Variants in HDAC11 observed in about 807,000 individuals in gnomAD.
HDAC11 encodes the protein histone deacetylase 11.
Under a neutral mutation model 41.1 loss-of-function variants are expected in HDAC11, and 23 were observed. The ratio of observed to expected loss-of-function variants is 0.56; its 90% CI spans 0.40 to 0.79. The LOEUF (loss-of-function observed/expected upper bound fraction) is 0.79, where lower values mean the gene tolerates loss of function less well. HDAC11 is among the 30% of genes least tolerant of loss of function. HDAC11 has a pLI of 0.00. For synonymous variants in HDAC11, 187 were observed against 186.6 expected (o/e 1.00, Z -0.02); for missense variants, 402 against 477.3 (o/e 0.84, Z 1.47).
chr3:13,490,742 TTC>T (rs377145100), intron 3 of HDAC11, among the ~76,000 whole-genome samples: 92 of 134,842 alleles, frequency 6.8e-4, no homozygotes, highest in South Asian at 4.3e-3. Flanking sequence ...TAGCATTTTT[TTC>T]TTTTTTTTTT....
chr3:13,498,393 G>A, intron 4 of HDAC11, 120 bp from the exon 5 acceptor site: 2 of 1,270,902 alleles, frequency 1.6e-6, no homozygotes, highest in Non-Finnish European at 2.3e-6. Context: ...TTGTAGCTCA[G>A]CTCATCCTTC....
chr3:13,493,980 G>T (rs560936833), intron 3 of HDAC11, among the ~76,000 whole-genome samples: 1 of 152,196 alleles, frequency 6.6e-6, no homozygotes, highest in South Asian at 2.1e-4. Context: ...TCTGACATCT[G>T]GGGGGAGCAA....
At chr3:13,481,460 C>T (rs1054055433) in intron 2 of HDAC11, 66 bp downstream of exon 2, 2 of 1,568,570 alleles carry the variant, frequency 1.3e-6, no homozygotes, top group Non-Finnish European at 1.7e-6. Context: ...CCGTCCTCAT[C>T]CCCAACATAA....
intron 5 of HDAC11, among the ~76,000 whole-genome samples, chr3:13,500,354 G>A (rs554282051): frequency 6.6e-6 from 1 of 152,308 alleles, no homozygotes; most frequent in East Asian, 1.9e-4. Flanking sequence ...GCCACTGGCA[G>A]AATCCGTGTG....
rs59531656 is a variant in HDAC11, at chr3:13,490,744, C to CTT, written c.253-5967_253-5966dup. Among the ~76,000 whole-genome samples the CTT allele has an allele frequency of 3.2e-3, 133 of 41,450 alleles. 13 individuals carry two copies. Among genetic ancestry groups the CTT allele is most frequent in the South Asian group, 4.8e-3 (4 of 826 alleles). 27.2% of individuals were successfully genotyped at this position (41,450 alleles called of 152,430 possible). A position where few individuals can be genotyped will look rare whatever the true frequency, so the allele number is the denominator to read the frequency against. On this transcript the variant is annotated intron_variant, in intron 3 of 9. Coordinates refer to ENST00000295757, the MANE Select transcript of HDAC11 (RefSeq NM_024827.4). ...TGAATTTGTTTCTTAGCATTTTTTT[C>CTT]TTTTTTTTTTTTTTTTTTTTTTTTT... is the stretch of plus-strand genomic sequence containing the variant.
In HDAC11 at chr3:13,490,843, C is replaced by G. The variant is rs1701826807; in HGVS notation, c.253-5893C>G. Among the ~76,000 whole-genome samples, 2 of 147,048 alleles carry G rather than the reference C, an allele frequency of 1.4e-5. 1 individual carries two copies. Among genetic ancestry groups the G allele is most frequent in the Admixed American group, 1.4e-4 (2 of 14,450 alleles). On this transcript the variant is annotated intron_variant, in intron 3 of 9. Transcript: ENST00000295757. ...TCGGCTCACTGCAACCTCCGCCTCC[C>G]AGGTTCAAGCGATTTTTCTGCCTCA...
intron 3 of HDAC11, among the ~76,000 whole-genome samples, chr3:13,489,075 C>G (rs568672541): frequency 6.6e-6 from 1 of 152,106 alleles, no homozygotes; most frequent in Non-Finnish European, 1.5e-5. Context: ...AATGTTTATT[C>G]AAGTCCTTTG....
At chr3:13,489,475 C>A (rs1412597629) in intron 3 of HDAC11, among the ~76,000 whole-genome samples, 1 of 152,204 alleles carries the variant, frequency 6.6e-6, no homozygotes, top group Non-Finnish European at 1.5e-5. Context: ...GGCTGTTTTT[C>A]CCCTGTTGAA....
chr3:13,492,524 CA>C (rs770392312), intron 3 of HDAC11, among the ~76,000 whole-genome samples: 13 of 152,108 alleles, frequency 8.5e-5, no homozygotes, highest in Non-Finnish European at 1.8e-4. Flanking sequence ...GTGTGGGCTC[CA>C]GGGGGCCCCA....
chr3:13,491,540 G>A (rs1402717200), intron 3 of HDAC11, among the ~76,000 whole-genome samples: 1 of 152,106 alleles, frequency 6.6e-6, no homozygotes, highest in East Asian at 1.9e-4. Context: ...GGGCGCCCTA[G>A]AGGGGTTACA....
chr3:13,502,064 T>C lies in HDAC11; in HGVS notation c.552+131T>C, dbSNP rs907503760. 6.9e-6 allele frequency: 5 copies of C among 727,400 alleles called. No individual in the cohort carries two copies. The highest frequency in any genetic ancestry group is 1.2e-5 in the Non-Finnish European group (5 of 426,482). The allele number at this position is 727,400 out of a possible 1,614,324, so 45.1% of individuals were successfully genotyped here. A position where few individuals can be genotyped will look rare whatever the true frequency, so the allele number is the denominator to read the frequency against. ...GGCTTCTGTCTTCTGTCTCTCGGGC[T>C]ACAAATGCAGGGTCTGTCTTTGTCA... On this transcript the variant is annotated intron_variant, in intron 7 of 9. Transcript: ENST00000295757. The surrounding 1 kb of genome is among the most constrained non-coding windows in gnomAD (Gnocchi z 4.1).
intron 3 of HDAC11, among the ~76,000 whole-genome samples, chr3:13,485,031 A>C (rs1411541739): frequency 1.3e-5 from 2 of 152,214 alleles, no homozygotes; most frequent in Admixed American, 1.3e-4. Flanking sequence ...TGGATGCCTG[A>C]GGCCAGCAGG....
At chr3:13,501,955 G>C (rs1702386814) in intron 7 of HDAC11, 22 bp downstream of exon 7, 2 of 1,606,024 alleles carry the variant, frequency 1.2e-6, no homozygotes, top group Non-Finnish European at 1.7e-6. Context: ...GCAGGGGCTG[G>C]ACTCTTAGGG....
intron 6 of HDAC11, 36 bp from the exon 7 acceptor site, chr3:13,501,835 C>T (rs1434087362): frequency 1.2e-6 from 2 of 1,606,174 alleles, no homozygotes; most frequent in Non-Finnish European, 8.5e-7. Flanking sequence ...CTCTGTCCGC[C>T]CCAGATCCTC....
chr3:13,498,600 G>A (rs1383966627), intron 5 of HDAC11, 45 bp downstream of exon 5: 2 of 1,600,978 alleles, frequency 1.2e-6, no homozygotes, highest in Admixed American at 1.7e-5. Flanking sequence ...CCGGCTTGGT[G>A]GAACTGGCCT....
chr3:13,501,471 G>A (rs1702362744), intron 6 of HDAC11, among the ~76,000 whole-genome samples: 1 of 152,172 alleles, frequency 6.6e-6, no homozygotes, highest in South Asian at 2.1e-4. Flanking sequence ...CTGGAAGAGG[G>A]GGCATTTAGG....
chr3:13,494,822 T>TC (rs1702021031), intron 3 of HDAC11, among the ~76,000 whole-genome samples: 2 of 151,976 alleles, frequency 1.3e-5, no homozygotes, highest in African/African-American at 4.8e-5. Context: ...GACAGAAGCC[T>TC]CCCCTGGTGG....
At chr3:13,500,020 G>T (rs540043956) in intron 5 of HDAC11, among the ~76,000 whole-genome samples, 1 of 152,168 alleles carries the variant, frequency 6.6e-6, no homozygotes, top group African/African-American at 2.4e-5. Context: ...AGCAAGCTCA[G>T]TTGCTCAGTC....
intron 3 of HDAC11, among the ~76,000 whole-genome samples, chr3:13,489,602 G>C (rs570989609): frequency 6.6e-6 from 1 of 152,054 alleles, no homozygotes; most frequent in Non-Finnish European, 1.5e-5. Context: ...GCATTCTTTC[G>C]ACAGCCCAGG....
Sources: gnomAD v4.1 joint callset for allele counts (sites outside exome capture counted in the v4.1 genomes callset) on GRCh38, gnomAD v4.1.1 for gene constraint, Gnocchi (gnomAD v3.1) non-coding constraint, MANE v1.5 for transcripts, NCBI Gene and HGNC (gene_info 2026-07-23, HGNC 2026-07-21) for gene names.